The following CCDC169 variants were observed in gnomAD, a reference collection of about 807,000 sequenced individuals.
The protein encoded by CCDC169 is coiled-coil domain-containing protein 169.
Under a neutral mutation model 36.0 loss-of-function variants are expected in CCDC169, and 30 were observed. The ratio of observed to expected loss-of-function variants is 0.83; its 90% CI spans 0.62 to 1.13. The LOEUF (loss-of-function observed/expected upper bound fraction) is 1.13. Among genes scored for constraint, CCDC169 ranks in the 50% most tolerant of loss-of-function variants. CCDC169 has a pLI of 0.00. For synonymous variants in CCDC169, 85 were observed against 81.5 expected (o/e 1.04, Z -0.23); for missense variants, 245 against 245.9 (o/e 1.00, Z 0.03).
In CCDC169 at chr13:36,232,416, A is replaced by C. The variant is rs553070950; in HGVS notation, c.546-1124T>G. On this transcript the variant is annotated intron_variant, in intron 7 of 7. Transcript: ENST00000239859. The stretch of plus-strand genomic sequence containing the variant: ...TAGGGGCATTTGCTGGAACAATAAG[A>C]AACCACTGTTTAATTTCAGAGCTGC... Among the ~76,000 whole-genome samples the C allele has an allele frequency of 1.6e-4, 25 of 152,340 alleles. 1 individual carries two copies. The South Asian group carries it at 5.2e-3, about 32-fold the overall frequency.
At chr13:36,290,309 A>C (rs1878714731) in intron 2 of CCDC169, among the ~76,000 whole-genome samples, 1 of 151,540 alleles carries the variant, frequency 6.6e-6, no homozygotes, top group Non-Finnish European at 1.5e-5. Flanking sequence ...TCTGTGCCTA[A>C]ATAAATAGAT....
chr13:36,269,931 C>T (rs951025554), intron 4 of CCDC169, among the ~76,000 whole-genome samples: 9 of 140,890 alleles, frequency 6.4e-5, no homozygotes, highest in African/African-American at 2.0e-4. Flanking sequence ...CCAGAGCATT[C>T]GGGCAAGAGA....
chr13:36,231,409 C>T lies in CCDC169; in HGVS notation c.546-117G>A, dbSNP rs367765218. On this transcript the variant is annotated intron_variant, in intron 7 of 7. Transcript: ENST00000239859. ...CCTTGTTCCCCCCAACAGACCTTCACACGGAAACCTTCCTGTGAATAGTTT... is the reference window on the plus strand; with the variant it reads ...CCTTGTTCCCCCCAACAGACCTTCATACGGAAACCTTCCTGTGAATAGTTT... The T allele has an allele frequency of 6.9e-4, 666 of 969,050 alleles. 6 individuals carry two copies. In the South Asian group the frequency reaches 7.5e-3, roughly 11 times the overall value. 60.0% of individuals were successfully genotyped at this position (969,050 alleles called of 1,614,324 possible).
chr13:36,244,843 G>A (rs902307686), intron 7 of CCDC169, among the ~76,000 whole-genome samples: 4 of 75,756 alleles, frequency 5.3e-5, no homozygotes, highest in African/African-American at 2.1e-4. Flanking sequence ...GATGGGAGTG[G>A]TCTTGGGGAC....
At chr13:36,276,722 T>C (rs1876873128) in intron 4 of CCDC169, among the ~76,000 whole-genome samples, 1 of 152,154 alleles carries the variant, frequency 6.6e-6, no homozygotes, top group Middle Eastern at 3.2e-3. Context: ...AGTCAAGGAA[T>C]AGGACTTCCA....
intron 2 of CCDC169, among the ~76,000 whole-genome samples, chr13:36,291,691 T>A (rs1378738748): frequency 6.6e-6 from 1 of 152,184 alleles, no homozygotes; most frequent in African/African-American, 2.4e-5. Context: ...ATTTTAATAA[T>A]GGCAGCAGGC....
Position 36,297,653 on chromosome 13 carries a change from C to T in CCDC169, c.67G>A (p.Glu23Lys), listed in dbSNP as rs1281498072. The stretch of plus-strand genomic sequence containing the variant: ...CCGACTCACTTCTTGCGGACTTCTT[C>T]CAGCAACTGCTGTTTCAGGCGGTTG... ...STNRLKQQLL[E>K]EVRKKDAVQL... The change falls in exon 1 of 8, where the codon GAA becomes AAA. Residue 23 changes from glutamate to lysine, a missense_variant. Transcript: ENST00000239859. 1 of 1,551,018 alleles carries T rather than the reference C, an allele frequency of 6.4e-7. No homozygotes were observed. The highest frequency in any genetic ancestry group is 2.0e-5 in the Admixed American group (1 of 51,008).
chr13:36,244,539 T>C (rs1191511502), intron 7 of CCDC169: 1 of 152,212 alleles, frequency 6.6e-6, no homozygotes, highest in Non-Finnish European at 1.5e-5. Context: ...AGCTTGAGCC[T>C]AGTTTTCTGA....
At chr13:36,288,764 G>A (rs1878538046) in intron 2 of CCDC169, among the ~76,000 whole-genome samples, 1 of 151,644 alleles carries the variant, frequency 6.6e-6, no homozygotes, top group Admixed American at 6.6e-5. Flanking sequence ...TCTAAAAGAA[G>A]GTAAAAAAGA....
At chr13:36,265,459 C>T (rs537523483) in intron 4 of CCDC169, among the ~76,000 whole-genome samples, 25 of 152,326 alleles carry the variant, frequency 1.6e-4, no homozygotes, top group South Asian at 6.2e-4. Context: ...GATATCACAT[C>T]GGGCAAAGTA....
chr13:36,222,207 C>T (rs1040068607), downstream of CCDC169: 2 of 152,056 alleles, frequency 1.3e-5, no homozygotes, highest in Non-Finnish European at 2.9e-5. Flanking sequence ...AAGTGAGGCC[C>T]ATCCATCATT....
downstream of CCDC169, chr13:36,226,023 A>G (rs964726408): frequency 6.6e-6 from 1 of 152,244 alleles, no homozygotes; most frequent in African/African-American, 2.4e-5. Flanking sequence ...TGTGGAAAGC[A>G]GTCTGAAGAT....
chr13:36,246,160 T>C (rs1016443343), intron 7 of CCDC169, among the ~76,000 whole-genome samples: 4 of 152,188 alleles, frequency 2.6e-5, no homozygotes, highest in African/African-American at 9.7e-5. Context: ...TACTATGGTG[T>C]TGAAGTAGAA....
chr13:36,275,656 A>G (rs1214974651), intron 4 of CCDC169, among the ~76,000 whole-genome samples: 1 of 152,192 alleles, frequency 6.6e-6, no homozygotes, highest in African/African-American at 2.4e-5. Context: ...CATTTCTAAG[A>G]ATTTTCAAAA....
intron 6 of CCDC169, 106 bp from the exon 7 acceptor site, chr13:36,248,788 G>T: frequency 1.0e-6 from 1 of 965,006 alleles, no homozygotes; most frequent in Non-Finnish European, 1.5e-6. Context: ...AGGTTCTTTT[G>T]CAGCATGTGT....
intron 6 of CCDC169, among the ~76,000 whole-genome samples, chr13:36,251,308 C>T (rs1017999753): frequency 5.3e-5 from 8 of 152,154 alleles, no homozygotes; most frequent in African/African-American, 1.9e-4. Flanking sequence ...TTTCCAATCA[C>T]CGTAGTATCC....
intron 1 of CCDC169, 29 bp downstream of exon 1, chr13:36,297,608 A>AC: frequency 6.5e-7 from 1 of 1,541,592 alleles, no homozygotes. Flanking sequence ...TGTGGACGGG[A>AC]CCCCACACCG....
chr13:36,228,156 G>A (rs1185312), downstream of CCDC169, among the ~76,000 whole-genome samples: 152,110 of 152,302 alleles, frequency 1, 75,960 homozygotes, highest in Non-Finnish European at 1. Flanking sequence ...ACGTGGACAT[G>A]GGTTTCCATT....
intron 4 of CCDC169, among the ~76,000 whole-genome samples, chr13:36,275,775 C>T (rs1477815920): frequency 6.6e-6 from 1 of 152,064 alleles, no homozygotes; most frequent in Non-Finnish European, 1.5e-5. Context: ...TCAGGCAGCA[C>T]AGCTAAAAGA....
Sources: gnomAD v4.1 joint callset for allele counts (sites outside exome capture counted in the v4.1 genomes callset) on GRCh38, gnomAD v4.1.1 for gene constraint, MANE v1.5 for transcripts, NCBI Gene and HGNC (gene_info 2026-07-23, HGNC 2026-07-21) for gene names.